Variants in NTM observed in about 807,000 individuals in gnomAD.
The protein encoded by NTM is IgLON family member 2.
In NTM, 13 loss-of-function variants were observed where a neutral mutation model predicts 42.1. The observed-to-expected ratio is 0.31, with a 90% CI of 0.20 to 0.49. The LOEUF (loss-of-function observed/expected upper bound fraction) is 0.49. NTM is among the 20% of genes least tolerant of loss of function. NTM has a pLI of 0.99. For synonymous variants in NTM, 187 were observed against 179.2 expected (o/e 1.04, Z -0.35); for missense variants, 373 against 452.8 (o/e 0.82, Z 1.60).
At chr11:131,780,553 G>T (rs1243336885) in intron 1 of NTM, among the ~76,000 whole-genome samples, 1 of 152,136 alleles carries the variant, frequency 6.6e-6, no homozygotes, top group African/African-American at 2.4e-5. Context: ...AGGACTTGCA[G>T]GGTTTATCAG....
intron 2 of NTM, among the ~76,000 whole-genome samples, chr11:132,032,155 A>T (rs2076010548): frequency 6.6e-6 from 1 of 152,098 alleles, no homozygotes; most frequent in South Asian, 2.1e-4. Flanking sequence ...TGCATCCACT[A>T]CTGTGTTCAA....
At chr11:131,805,842 C>T (rs12807213) in intron 1 of NTM, among the ~76,000 whole-genome samples, 55 of 152,150 alleles carry the variant, frequency 3.6e-4, no homozygotes, top group African/African-American at 7.2e-4. Context: ...TTAAATTTAA[C>T]GGAGCAAACA....
chr11:132,106,076 A>G (rs745399779), intron 2 of NTM, among the ~76,000 whole-genome samples: 5 of 152,312 alleles, frequency 3.3e-5, no homozygotes, highest in Non-Finnish European at 7.3e-5. Context: ...AGTCAGTGAA[A>G]TAGTGAGGTT....
chr11:132,201,858 C>T (rs1030031366), intron 3 of NTM, among the ~76,000 whole-genome samples: 1 of 152,136 alleles, frequency 6.6e-6, no homozygotes, highest in East Asian at 1.9e-4. Context: ...TGAGAACAGC[C>T]ACTTTCTAGC....
intron 2 of NTM, among the ~76,000 whole-genome samples, chr11:132,104,937 GTATATATATATATATATA>G (rs534897526): frequency 0.036 from 2,202 of 61,824 alleles, 237 homozygotes; most frequent in Middle Eastern, 0.088. Context: ...ATATACATAT[GTATATATATATATATATA>G]TATATATATA....
intron 1 of NTM, among the ~76,000 whole-genome samples, chr11:131,504,563 G>A (rs563041681): frequency 5.3e-5 from 8 of 152,114 alleles, no homozygotes; most frequent in Admixed American, 2.0e-4. Context: ...TTCACACAGC[G>A]CTGGGGTTCT....
chr11:132,096,930 T>C (rs2061073450), intron 2 of NTM, among the ~76,000 whole-genome samples: 1 of 152,154 alleles, frequency 6.6e-6, no homozygotes, highest in Non-Finnish European at 1.5e-5. Flanking sequence ...CAGAGGATGT[T>C]CTCTGGTGCT....
intron 7 of NTM, among the ~76,000 whole-genome samples, chr11:132,319,998 G>A (rs771329574): frequency 7.2e-5 from 11 of 152,148 alleles, no homozygotes; most frequent in Non-Finnish European, 1.5e-4. Context: ...TGATACCCAG[G>A]CAAACAGGGT....
chr11:131,375,219 C>T (rs538993553), intron 1 of NTM, among the ~76,000 whole-genome samples: 5 of 152,038 alleles, frequency 3.3e-5, no homozygotes, highest in East Asian at 1.9e-4. Flanking sequence ...CCCACCAGGC[C>T]GGGGAGCGAC....
At chr11:131,574,926 A>G (rs2057789597) in intron 1 of NTM, among the ~76,000 whole-genome samples, 1 of 151,950 alleles carries the variant, frequency 6.6e-6, no homozygotes, top group African/African-American at 2.4e-5. Flanking sequence ...AATCCTCCTG[A>G]TTTGCTTCTC....
At chr11:132,286,783 A>G (rs1047919074) in intron 4 of NTM, among the ~76,000 whole-genome samples, 5 of 152,132 alleles carry the variant, frequency 3.3e-5, no homozygotes, top group African/African-American at 1.2e-4. Context: ...CCTGACCACC[A>G]TGACAATGGT....
rs2060253511 is a variant in NTM, at chr11:131,599,311, TGTCTACCCAGTCTCCGGCAGATGCC to T, written c.82+228424_82+228448del. 5.5e-5 allele frequency among the ~76,000 whole-genome samples: 3 copies of T among 54,710 alleles called. 1 individual carries two copies. Among genetic ancestry groups the T allele is most frequent in the Admixed American group, 5.9e-4 (2 of 3,416 alleles). The allele number at this position is 54,710 out of a possible 152,430, so 35.9% of individuals were successfully genotyped here. A position where few individuals can be genotyped will look rare whatever the true frequency, so the allele number is the denominator to read the frequency against. On this transcript the variant is annotated intron_variant, in intron 1 of 8. Coordinates refer to ENST00000683400, the MANE Select transcript of NTM (RefSeq NM_001352005.2). ...TCTACCCAGTCTCCGGCAGATGCCCTGTCTACCCAGTCTCCGGCAGATGCCCTGTCTACCCAGTCTCCGGCAGATG... is the reference window on the plus strand; with the variant it reads ...TCTACCCAGTCTCCGGCAGATGCCCTCTGTCTACCCAGTCTCCGGCAGATG...
intron 1 of NTM, among the ~76,000 whole-genome samples, chr11:131,562,045 A>AT (rs1253840242): frequency 3.3e-5 from 5 of 151,918 alleles, no homozygotes; most frequent in Non-Finnish European, 4.4e-5. Flanking sequence ...ATTTTTTAGG[A>AT]TTTTTTTGGT....
chr11:131,370,651 T>C lies in NTM; in HGVS notation c.-156T>C. On this transcript the variant is annotated 5_prime_UTR_variant, in exon 1 of 9. Transcript: ENST00000683400. ...GGAGATAATTACGGAGAAGTCATAC[T>C]CTCTCACACCCTCGGCTTTCTTGTT... 1 of 631,514 alleles carries C rather than the reference T, an allele frequency of 1.6e-6. No homozygotes were observed. The highest frequency in any genetic ancestry group is 2.7e-6 in the Non-Finnish European group (1 of 364,312). 39.1% of individuals were successfully genotyped at this position (631,514 alleles called of 1,614,324 possible). A position where few individuals can be genotyped will look rare whatever the true frequency, so the allele number is the denominator to read the frequency against.
At chr11:131,935,736 A>AC (rs1312863739) in intron 2 of NTM, among the ~76,000 whole-genome samples, 4 of 152,104 alleles carry the variant, frequency 2.6e-5, no homozygotes, top group Non-Finnish European at 5.9e-5. Context: ...TTTAATTAGG[A>AC]CCTCTTTCAC....
At chr11:132,114,176 A>G (rs968576819) in intron 2 of NTM, among the ~76,000 whole-genome samples, 1 of 152,238 alleles carries the variant, frequency 6.6e-6, no homozygotes, top group African/African-American at 2.4e-5. Flanking sequence ...TATTGAAAAG[A>G]TCTTATCTTG....
chr11:131,766,470 C>T (rs758044113), intron 1 of NTM, among the ~76,000 whole-genome samples: 4 of 152,074 alleles, frequency 2.6e-5, no homozygotes, highest in Non-Finnish European at 5.9e-5. Flanking sequence ...CTTGTCACCT[C>T]GCCACACACG....
intron 2 of NTM, among the ~76,000 whole-genome samples, chr11:132,106,311 A>C (rs1414125143): frequency 6.6e-6 from 1 of 152,158 alleles, no homozygotes; most frequent in Non-Finnish European, 1.5e-5. Flanking sequence ...ATGATATTTC[A>C]ACTTAGCTTT....
chr11:131,456,792 A>C (rs1950940156), intron 1 of NTM, among the ~76,000 whole-genome samples: 1 of 152,134 alleles, frequency 6.6e-6, no homozygotes, highest in Non-Finnish European at 1.5e-5. Context: ...TGAGGTTTAC[A>C]ATTCTATTTT....
Sources: allele counts gnomAD v4.1 joint callset (sites outside exome capture counted in the v4.1 genomes callset), GRCh38; gene constraint gnomAD v4.1.1; transcripts MANE v1.5; gene names NCBI Gene and HGNC (gene_info 2026-07-23, HGNC 2026-07-21).